Variants in CHCT1 observed in about 807,000 individuals in gnomAD.
CHCT1 encodes CHD1 helical C-terminal domain containing protein 1.
the CHCT1 span, chr17:60,429,543 A>G: frequency 1.9e-6 from 3 of 1,614,064 alleles, no homozygotes; most frequent in Admixed American, 5.0e-5. Context: ...AGATCCCAGG[A>G]CCATGTCAAG....
the CHCT1 span, chr17:60,425,927 T>C: frequency 2.0e-6 from 3 of 1,493,708 alleles, no homozygotes; most frequent in Non-Finnish European, 2.7e-6. Flanking sequence ...CTTTTCCCCA[T>C]TGGTCAGGAG....
At chr17:60,421,823 A>G in the CHCT1 span, 1 of 979,562 alleles carries the variant, frequency 1.0e-6, no homozygotes, top group Non-Finnish European at 1.2e-6. Context: ...ACTTTCGCCG[A>G]CACCCGGCTC....
chr17:60,422,860 G>A, the CHCT1 span, among the ~76,000 whole-genome samples: 5 of 152,142 alleles, frequency 3.3e-5, no homozygotes, highest in East Asian at 7.7e-4. Flanking sequence ...CTCATTGTTG[G>A]TTATGAAGAC....
the CHCT1 span, chr17:60,421,725 GACTACA>G: frequency 3.8e-6 from 3 of 798,310 alleles, no homozygotes; most frequent in African/African-American, 5.6e-5. Context: ...GGCCAACTCA[GACTACA>G]CCCGGACTCT....
At chr17:60,430,431 C>A in the CHCT1 span, among the ~76,000 whole-genome samples, 1 of 151,930 alleles carries the variant, frequency 6.6e-6, no homozygotes, top group African/African-American at 2.4e-5. Context: ...ATGAAAATAA[C>A]CTATGTGGTA....
the CHCT1 span, among the ~76,000 whole-genome samples, chr17:60,424,064 G>A: frequency 6.6e-6 from 1 of 152,152 alleles, no homozygotes; most frequent in Non-Finnish European, 1.5e-5. Context: ...AAGAGAGAGA[G>A]GAGGGCGTGT....
the CHCT1 span, chr17:60,426,037 TC>T: frequency 1.6e-6 from 2 of 1,285,310 alleles, no homozygotes; most frequent in South Asian, 2.8e-5. Flanking sequence ...CAGAGCCACC[TC>T]CCGAAACACG....
chr17:60,422,331 T>G, the CHCT1 span: 88 of 781,306 alleles, frequency 1.1e-4, no homozygotes, highest in African/African-American at 1.5e-3. Flanking sequence ...TCTGCCAAAG[T>G]CTTCGCTCGA....
the CHCT1 span, among the ~76,000 whole-genome samples, chr17:60,430,895 G>A: frequency 1.3e-5 from 2 of 152,216 alleles, no homozygotes; most frequent in Non-Finnish European, 2.9e-5. Context: ...GCCAGAGGTC[G>A]AGGAAACTCG....
At chr17:60,428,872 T>G in the CHCT1 span, among the ~76,000 whole-genome samples, 2 of 151,932 alleles carry the variant, frequency 1.3e-5, no homozygotes, top group Admixed American at 1.3e-4. Context: ...TTTTATTTTT[T>G]TTTTAACAGA....
the CHCT1 span, among the ~76,000 whole-genome samples, chr17:60,424,233 A>G: frequency 1.0e-3 from 155 of 152,332 alleles, no homozygotes; most frequent in African/African-American, 3.3e-3. Context: ...TCACGTTTCA[A>G]CATGAGATTT....
chr17:60,427,959 A>T, the CHCT1 span, among the ~76,000 whole-genome samples: 1 of 152,068 alleles, frequency 6.6e-6, no homozygotes, highest in Admixed American at 6.6e-5. Flanking sequence ...TCAGATTCGT[A>T]TCAGTGAAAT....
At chr17:60,421,389 C>T in the CHCT1 span, 1 of 985,632 alleles carries the variant, frequency 1.0e-6, no homozygotes, top group Non-Finnish European at 1.2e-6. Flanking sequence ...CCGCTATGCC[C>T]CTCTCCTGTG....
chr17:60,429,579 G>A, the CHCT1 span: 2 of 1,608,622 alleles, frequency 1.2e-6, no homozygotes, highest in Admixed American at 1.7e-5. Context: ...TTGGTGTTGG[G>A]GTGATGCCTG....
At chr17:60,429,810 ATTAT>A in the CHCT1 span, among the ~76,000 whole-genome samples, 1 of 150,906 alleles carries the variant, frequency 6.6e-6, no homozygotes, top group African/African-American at 2.4e-5. Flanking sequence ...TTTTGTTTTT[ATTAT>A]TTATTTATTT....
At chr17:60,428,022 A>T in the CHCT1 span, among the ~76,000 whole-genome samples, 1 of 152,194 alleles carries the variant, frequency 6.6e-6, no homozygotes, top group East Asian at 1.9e-4. Context: ...CCATGAGGTC[A>T]AAATATTACA....
chr17:60,421,552 C>G, the CHCT1 span: 1 of 985,490 alleles, frequency 1.0e-6, no homozygotes, highest in Non-Finnish European at 1.2e-6. Context: ...GAAGGAATTC[C>G]TAGTTTCAGG....
the CHCT1 span, chr17:60,429,526 G>A: frequency 1.2e-6 from 2 of 1,614,194 alleles, no homozygotes; most frequent in African/African-American, 2.7e-5. Flanking sequence ...CCCTGCCTGG[G>A]CAGCCAAGAT....
the CHCT1 span, among the ~76,000 whole-genome samples, chr17:60,430,943 C>G: frequency 0.059 from 8,943 of 152,268 alleles, 840 homozygotes; most frequent in African/African-American, 0.2. Context: ...TGCTGTAAGA[C>G]TTTGGGCAGG....
Sources: allele counts gnomAD v4.1 joint callset (sites outside exome capture counted in the v4.1 genomes callset), GRCh38; gene constraint gnomAD v4.1.1; transcripts MANE v1.5; gene names NCBI Gene and HGNC (gene_info 2026-07-23, HGNC 2026-07-21).